RBPJ: variants seen among roughly 807,000 people sequenced by gnomAD.
RBPJ encodes recombination signal binding protein for immunoglobulin kappa J region, also known as recombining binding protein suppressor of hairless.
Under a neutral mutation model 67.8 loss-of-function variants are expected in RBPJ, and 9 were observed. The ratio of observed to expected loss-of-function variants is 0.13; its 90% CI spans 0.08 to 0.23. The LOEUF (loss-of-function observed/expected upper bound fraction) is 0.23. RBPJ is among the 10% of genes least tolerant of loss of function. RBPJ has a pLI of 1.00. For missense variants in RBPJ, 305 were observed against 595.6 expected, an observed-to-expected ratio of 0.51 and a Z score of 5.08; for synonymous variants, 198 against 203.3, an observed-to-expected ratio of 0.97 and a Z score of 0.22.
intron 1 of RBPJ, among the ~76,000 whole-genome samples, chr4:26,169,920 C>T (rs111396027): frequency 2.7e-4 from 41 of 152,292 alleles, no homozygotes; most frequent in African/African-American, 8.2e-4. Context: ...TTCCTAAGCC[C>T]GTCAGAAAAG....
At chr4:26,391,536 A>C (rs976489219) in intron 2 of RBPJ, among the ~76,000 whole-genome samples, 1 of 152,226 alleles carries the variant, frequency 6.6e-6, no homozygotes, top group African/African-American at 2.4e-5. Context: ...ACCTAAATGT[A>C]AAACTTTAAA....
chr4:26,414,772 A>G (rs1381079741), intron 3 of RBPJ, among the ~76,000 whole-genome samples: 3 of 152,218 alleles, frequency 2.0e-5, no homozygotes, highest in African/African-American at 7.2e-5. Context: ...GGTTTTTGAC[A>G]ACTAGCAAAA....
At chr4:26,176,308 G>GTGAGTGA (rs1392389875) in intron 1 of RBPJ, among the ~76,000 whole-genome samples, 1 of 152,184 alleles carries the variant, frequency 6.6e-6, no homozygotes, top group African/African-American at 2.4e-5. Context: ...CAACTTGCTT[G>GTGAGTGA]TGAGTGATAG....
intron 1 of RBPJ, among the ~76,000 whole-genome samples, chr4:26,234,834 A>G (rs889778921): frequency 6.6e-6 from 1 of 152,140 alleles, no homozygotes; most frequent in African/African-American, 2.4e-5. Flanking sequence ...CTGGGATTAC[A>G]GGCACATGCC....
the RBPJ span, among the ~76,000 whole-genome samples, chr4:26,120,171 A>G: frequency 1.3e-5 from 2 of 152,350 alleles, no homozygotes; most frequent in East Asian, 3.9e-4. Flanking sequence ...GTAGTAGTAG[A>G]CATAGACTCC....
intron 1 of RBPJ, among the ~76,000 whole-genome samples, chr4:26,297,814 A>G (rs1209236437): frequency 1.3e-5 from 2 of 152,074 alleles, no homozygotes; most frequent in East Asian, 3.8e-4. Context: ...TAAAATAAAC[A>G]AAGAATATGA....
At chr4:26,379,671 G>A (rs1475965167) in intron 1 of RBPJ, among the ~76,000 whole-genome samples, 1 of 152,052 alleles carries the variant, frequency 6.6e-6, no homozygotes, top group African/African-American at 2.4e-5. Context: ...TGGGGATTAT[G>A]GGGATTACAA....
At chr4:26,128,158 G>A in the RBPJ span, among the ~76,000 whole-genome samples, 1 of 152,222 alleles carries the variant, frequency 6.6e-6, no homozygotes, top group African/African-American at 2.4e-5. Context: ...CTGGGCCTTG[G>A]GAAGGCAGGA....
At chr4:26,143,349 C>T in the RBPJ span, among the ~76,000 whole-genome samples, 3 of 152,172 alleles carry the variant, frequency 2.0e-5, no homozygotes, top group Non-Finnish European at 4.4e-5. Flanking sequence ...TAAGTTGTAT[C>T]ACGTCACTCC....
chr4:26,275,189 C>T (rs766995967), intron 1 of RBPJ, among the ~76,000 whole-genome samples: 26 of 152,172 alleles, frequency 1.7e-4, no homozygotes, highest in Admixed American at 3.9e-4. Context: ...AAGTGAGAGA[C>T]GGCATCAAGG....
At chr4:26,174,715 C>A (rs1716734791) in intron 1 of RBPJ, among the ~76,000 whole-genome samples, 1 of 152,124 alleles carries the variant, frequency 6.6e-6, no homozygotes, top group Non-Finnish European at 1.5e-5. Context: ...GGTGATCCGC[C>A]CAACTTGGCC....
chr4:26,155,006 T>C, the RBPJ span, among the ~76,000 whole-genome samples: 2 of 152,138 alleles, frequency 1.3e-5, no homozygotes, highest in African/African-American at 4.8e-5. Flanking sequence ...GGGCTGGACA[T>C]AAAGAATATT....
Position 26,279,290 on chromosome 4 carries a change from C to CT in RBPJ, c.-166-83148dup, listed in dbSNP as rs113848627. 6.6e-5 allele frequency among the ~76,000 whole-genome samples: 10 copies of CT among 151,908 alleles called. No individual in the cohort carries two copies. The South Asian group carries it at 1.5e-3, about 22-fold the overall frequency. ...TGCACTGGCTGCTGTTTGATATTTT[C>CT]TTTTTTTTGGAGACAGAGTCTTGCT... On this transcript the variant is annotated intron_variant, in intron 1 of 4. Transcript: ENST00000512351.
At chr4:26,370,699 A>G (rs1177623122) in intron 1 of RBPJ, among the ~76,000 whole-genome samples, 1 of 152,178 alleles carries the variant, frequency 6.6e-6, no homozygotes, top group African/African-American at 2.4e-5. Flanking sequence ...GTATCTTTGT[A>G]GGGCATTCTC....
chr4:26,363,112 A>T (rs1054352696), intron 1 of RBPJ, among the ~76,000 whole-genome samples: 1 of 152,150 alleles, frequency 6.6e-6, no homozygotes, highest in Admixed American at 6.5e-5. Flanking sequence ...ATTTTCACTT[A>T]AAGGATAATG....
intron 2 of RBPJ, among the ~76,000 whole-genome samples, chr4:26,396,364 T>G (rs545298265): frequency 6.6e-6 from 1 of 152,182 alleles, no homozygotes; most frequent in African/African-American, 2.4e-5. Context: ...AATAAGAGAA[T>G]GGAGTAGAGT....
intron 2 of RBPJ, among the ~76,000 whole-genome samples, chr4:26,386,676 A>G (rs977312305): frequency 7.2e-5 from 11 of 152,230 alleles, no homozygotes; most frequent in Admixed American, 6.5e-4. Context: ...AGCTTTCTAT[A>G]TCTAGCTATG....
At chr4:26,368,932 C>T (rs1157244794) in intron 1 of RBPJ, among the ~76,000 whole-genome samples, 1 of 152,162 alleles carries the variant, frequency 6.6e-6, no homozygotes, top group Non-Finnish European at 1.5e-5. Flanking sequence ...TTGAAATAAA[C>T]AGTCACTATC....
intron 1 of RBPJ, among the ~76,000 whole-genome samples, chr4:26,204,685 C>A (rs1316732178): frequency 2.6e-4 from 39 of 152,190 alleles, no homozygotes; most frequent in Admixed American, 2.6e-3. Flanking sequence ...AATCCCAACA[C>A]CACCAGCTAT....
Sources: gnomAD v4.1 joint callset for allele counts (sites outside exome capture counted in the v4.1 genomes callset) on GRCh38, gnomAD v4.1.1 for gene constraint, MANE v1.5 for transcripts, NCBI Gene and HGNC (gene_info 2026-07-23, HGNC 2026-07-21) for gene names.